Variants in AP5B1 observed in about 807,000 individuals in gnomAD.
The protein encoded by AP5B1 is adaptor related protein complex 5 subunit beta 1, also known as AP-5 complex subunit beta-1.
Under a neutral mutation model 5.7 loss-of-function variants are expected in AP5B1, and 3 were observed. The ratio of observed to expected loss-of-function variants is 0.53; its 90% CI spans 0.24 to 1.36. The LOEUF (loss-of-function observed/expected upper bound fraction) is 1.36, where lower values mean the gene tolerates loss of function less well. Among genes scored for constraint, AP5B1 ranks in the 40% most tolerant of loss-of-function variants. The pLI, the probability that AP5B1 is intolerant of heterozygous loss-of-function variation, is 0.17. For missense variants in AP5B1, 1,310 were observed against 1,143.2 expected (o/e 1.15, Z -2.10); for synonymous variants, 696 against 555.5 (o/e 1.25, Z -3.56).
At position 65,774,984 on chromosome 11, in the gene AP5B1, G is replaced by A. The variant is rs1857748183; in HGVS notation, c.*2872C>T. 1.3e-5 allele frequency among the ~76,000 whole-genome samples: 2 copies of A among 152,192 alleles called. No homozygotes were observed. The highest frequency in any genetic ancestry group is 2.4e-5 in the African/African-American group (1 of 41,432). On this transcript the variant is annotated 3_prime_UTR_variant, in exon 2 of 2. Transcript: ENST00000532090. The stretch of plus-strand genomic sequence containing the variant: ...GGGCTGGGGTCTAGGAGCTATCTCA[G>A]GTGGGCTCAGTCAGTGCCATCCTCC...
At chr11:65,780,406 C>A in intron 1 of AP5B1, 36 bp downstream of exon 1, 1 of 1,470,130 alleles carries the variant, frequency 6.8e-7, no homozygotes, top group Non-Finnish European at 9.0e-7. Flanking sequence ...CTGGGGTGAC[C>A]CTGCGGAACG....
In AP5B1 at chr11:65,779,580, G is replaced by A. The variant is rs1857817359; in HGVS notation, c.913C>T (p.Pro305Ser). 1 of 1,607,026 alleles carries A rather than the reference G, an allele frequency of 6.2e-7. No homozygotes were observed. Among genetic ancestry groups the A allele is most frequent in the Non-Finnish European group, 8.5e-7 (1 of 1,177,812 alleles). Residue 305 changes from proline (P) to serine (S), a missense_variant, in exon 2 of 2, where the codon CCG becomes TCG. By Grantham distance (74) the Pro-to-Ser change is moderately conservative. Transcript: ENST00000532090. ...ACCAGCTGCGGCTTGAAGAGTGCCG[G>A]TGGCTGTCCCTGCAGACCCCGCAGG... ...WALRGLQGQPPALFKPQLVRL... is the reference protein window; with the variant it reads ...WALRGLQGQPSALFKPQLVRL...
In AP5B1 at chr11:65,777,073, C is replaced by T. The variant is rs1366241685; in HGVS notation, c.*783G>A. On this transcript the variant is annotated 3_prime_UTR_variant, in exon 2 of 2. Transcript: ENST00000532090. Reference sequence around the variant, plus strand: ...AGTCTGCAATGATCCCTAATCACACCACTGCACTCCAGAGCGCCAGAGTGA... The same window carrying T: ...AGTCTGCAATGATCCCTAATCACACTACTGCACTCCAGAGCGCCAGAGTGA... The T allele has an allele frequency of 2.0e-5, 3 of 152,206 alleles. No homozygotes were observed. The highest frequency in any genetic ancestry group is 4.4e-5 in the Non-Finnish European group (3 of 68,088). The allele number at this position is 152,206 out of a possible 1,614,324, so 9.4% of individuals were successfully genotyped here.
rs759282141 is a variant in AP5B1 at position 65,778,037 on chromosome 11, A to G, written c.2456T>C (p.Val819Ala). 1 of 1,612,662 alleles carries G rather than the reference A, an allele frequency of 6.2e-7. No individual in the cohort carries two copies. Among genetic ancestry groups the G allele is most frequent in the Non-Finnish European group, 8.5e-7 (1 of 1,179,812 alleles). Reference protein sequence around the residue: ...GLVSRHLEPFVVVAQPPTSYC... With the variant: ...GLVSRHLEPFAVVAQPPTSYC... ...GCTGGTAGGAGGCTGGGCCACCACC[A>G]CAAAAGGCTCCAGGTGGCGGGACAC... Residue 819 changes from valine (V) to alanine (A), a missense_variant, in exon 2 of 2, where the codon GTG becomes GCG. By Grantham distance (64) the Val-to-Ala change is moderately conservative. Transcript: ENST00000532090.
rs1346016417 is a variant in AP5B1, at chr11:65,779,916, A to G, written c.577T>C (p.Leu193=). 5 of 1,591,116 alleles carry G rather than the reference A, an allele frequency of 3.1e-6. No homozygotes were observed. The change falls in exon 2 of 2, where the codon TTG becomes CTG. Residue 193 remains leucine (L), a synonymous_variant. Transcript: ENST00000532090. ...GACTGGAGCACCAAGGTGTTGCGCA[A>G]AGCGAGGGCCAGCAACAGGCTGAGT... ...QPLSLLLALA[L]RNTLVLQSRV... is the part of the protein sequence containing the mutation.
chr11:65,774,768 G>A lies in AP5B1; in HGVS notation c.*3088C>T, dbSNP rs1857746047. Among the ~76,000 whole-genome samples, 1 of 152,226 alleles carries A rather than the reference G, an allele frequency of 6.6e-6. No individual in the cohort carries two copies. The highest frequency in any genetic ancestry group is 1.5e-5 in the Non-Finnish European group (1 of 68,048). On this transcript the variant is annotated 3_prime_UTR_variant, in exon 2 of 2. Coordinates refer to ENST00000532090, the MANE Select transcript of AP5B1 (RefSeq NM_138368.5). Reference sequence around the variant, plus strand: ...GGCTTGTGGCCAGACCTGCCTTGAAGGAGGCAAGGAAGGGTATGTGAACAT... The same window carrying A: ...GGCTTGTGGCCAGACCTGCCTTGAAAGAGGCAAGGAAGGGTATGTGAACAT...
At chr11:65,780,399 G>T in intron 1 of AP5B1, 43 bp downstream of exon 1, 1 of 1,469,654 alleles carries the variant, frequency 6.8e-7, no homozygotes. Flanking sequence ...CGGCGGGCTG[G>T]GGTGACCCTG....
In AP5B1 at chr11:65,778,620, G is replaced by T; in HGVS notation, c.1873C>A (p.Pro625Thr). The part of the protein sequence containing the change: ...YYILLAHLAA[P>T]KLGVALGPSL... ...GGGCCCAGGGCCACCCCCAACTTGG[G>T]TGCTGCCAGGTGTGCCAGCAGGATG... is the stretch of plus-strand genomic sequence containing the variant. The change falls in exon 2 of 2, where the codon CCC (proline) becomes ACC (threonine). Residue 625 changes from proline (P) to threonine (T), a missense_variant. Pro to Thr is a conservative substitution (Grantham distance 38). Transcript: ENST00000532090. 6.3e-7 allele frequency: 1 copy of T among 1,594,644 alleles called. No homozygotes were observed. The highest frequency in any genetic ancestry group is 8.5e-7 in the Non-Finnish European group (1 of 1,172,420).
In AP5B1 at chr11:65,775,515, C is replaced by T. The variant is rs374214862; in HGVS notation, c.*2341G>A. On this transcript the variant is annotated 3_prime_UTR_variant, in exon 2 of 2. Coordinates refer to ENST00000532090, the MANE Select transcript of AP5B1 (RefSeq NM_138368.5). ...CCAGCCTTGGAGATGTTCAGTCCTT[C>T]TGCAGCAGCACCACGCTTCTGGCTT... Among the ~76,000 whole-genome samples the T allele has an allele frequency of 2.7e-4, 41 of 152,320 alleles. 2 individuals carry two copies. The highest frequency in any genetic ancestry group is 1.4e-3 in the East Asian group (7 of 5,180).
rs1857750938 is a variant in AP5B1 at position 65,775,290 on chromosome 11, G to A, written c.*2566C>T. On this transcript the variant is annotated 3_prime_UTR_variant, in exon 2 of 2. Transcript: ENST00000532090. ...GATGCACAAGTGGGCAGACAGATGG[G>A]TGAAAGGATGGTCAGTCCTTACATG... is the stretch of plus-strand genomic sequence containing the variant. 2.0e-5 allele frequency among the ~76,000 whole-genome samples: 3 copies of A among 152,208 alleles called. No individual in the cohort carries two copies. The highest frequency in any genetic ancestry group is 7.2e-5 in the African/African-American group (3 of 41,450).
In AP5B1 at chr11:65,778,438, C is replaced by G. The variant is rs748908235; in HGVS notation, c.2055G>C (p.Glu685Asp). 5 of 1,575,820 alleles carry G rather than the reference C, an allele frequency of 3.2e-6. No individual in the cohort carries two copies. The Admixed American group carries it at 7.4e-5, about 23-fold the overall frequency. The part of the protein sequence containing the change: ...GPLPVLKLQP[E>D]ALEPIYSLEL... The stretch of plus-strand genomic sequence containing the variant: ...CCAGAGAGTAGATGGGCTCCAGCGC[C>G]TCCGGCTGGAGCTTCAACACTGGGA... The change falls in exon 2 of 2, where the codon GAG becomes GAC. Residue 685 changes from glutamate (E) to aspartate (D), a missense_variant. By Grantham distance (45) the Glu-to-Asp change is conservative. Coordinates refer to ENST00000532090, the MANE Select transcript of AP5B1 (RefSeq NM_138368.5).
chr11:65,780,459 G>T lies in AP5B1; in HGVS notation c.133C>A (p.Leu45Met). ...GGGCCTACCTTGGTCTGTTCGCTCAGCTTCTCACTTCTCAGGTCGCTCAGC... is the reference window on the plus strand; with the variant it reads ...GGGCCTACCTTGGTCTGTTCGCTCATCTTCTCACTTCTCAGGTCGCTCAGC... ...DLLSDLRSEK[L>M]SEQTKVSLLA... Residue 45 changes from leucine (L) to methionine (M), a missense_variant, in exon 1 of 2, where the codon CTG (leucine) becomes ATG (methionine). Leu to Met is a conservative substitution (Grantham distance 15, BLOSUM62 2). Coordinates refer to ENST00000532090, the MANE Select transcript of AP5B1 (RefSeq NM_138368.5). 6.6e-7 allele frequency: 1 copy of T among 1,514,874 alleles called. No individual in the cohort carries two copies. Among genetic ancestry groups the T allele is most frequent in the South Asian group, 1.2e-5 (1 of 81,262 alleles). 93.8% of individuals were successfully genotyped at this position (1,514,874 alleles called of 1,614,324 possible).
At position 65,777,623 on chromosome 11, in the gene AP5B1, G is replaced by A. The variant is rs529032160; in HGVS notation, c.*233C>T. On this transcript the variant is annotated 3_prime_UTR_variant, in exon 2 of 2. Transcript: ENST00000532090. ...TGGACTTCCCAGCCTCCAGAGCTCTGAGCCAATACATTTCTGTTTATTATA... is the reference window on the plus strand; with the variant it reads ...TGGACTTCCCAGCCTCCAGAGCTCTAAGCCAATACATTTCTGTTTATTATA... 15 of 545,488 alleles carry A rather than the reference G, an allele frequency of 2.7e-5. No homozygotes were observed. In the East Asian group the frequency reaches 3.7e-4, roughly 14 times the overall value. The allele number at this position is 545,488 out of a possible 1,614,324, so 33.8% of individuals were successfully genotyped here.
At position 65,779,021 on chromosome 11, in the gene AP5B1, G is replaced by T; in HGVS notation, c.1472C>A (p.Ala491Asp). 1 of 1,608,690 alleles carries T rather than the reference G, an allele frequency of 6.2e-7. No individual in the cohort carries two copies. The highest frequency in any genetic ancestry group is 8.5e-7 in the Non-Finnish European group (1 of 1,177,650). ...CATGGGCCGGGCTTGGTACAGCTGG[G>T]CCAGTCCGTGGATCAAGGGGGTCAG... ...TVLTPLIHGL[A>D]QLYQARPMLA... Residue 491 changes from alanine (A) to aspartate (D), a missense_variant, in exon 2 of 2, where the codon GCC becomes GAC. Physicochemically the swap from Ala to Asp is moderately radical, Grantham distance 126. Coordinates refer to ENST00000532090, the MANE Select transcript of AP5B1 (RefSeq NM_138368.5).
Position 65,778,715 on chromosome 11 carries a change from A to C in AP5B1, c.1778T>G (p.Val593Gly), listed in dbSNP as rs752354752. The C allele has an allele frequency of 1.9e-6, 3 of 1,588,324 alleles. No individual in the cohort carries two copies. The Admixed American group carries it at 5.2e-5, about 28-fold the overall frequency. ...CCTGGCCAGCACCTGCAGCAAGTCG[A>C]CCAGGCCGCCCCTCACCCCTGCCCG... is the stretch of plus-strand genomic sequence containing the variant. ...LLRAGVRGGL[V>G]DLLQVLARQL... The change falls in exon 2 of 2, where the codon GTC becomes GGC. Residue 593 changes from valine to glycine, a missense_variant. Coordinates refer to ENST00000532090, the MANE Select transcript of AP5B1 (RefSeq NM_138368.5).
At position 65,779,835 on chromosome 11, in the gene AP5B1, C is replaced by A. The variant is rs750835553; in HGVS notation, c.658G>T (p.Gly220Cys). ...ACTAGTGTCCAATCCCAGGGACCAC[C>A]CCCAGTTGGGGAGACCTTATCCGTG... The part of the protein sequence containing the change: ...LLTDKVSPTG[G>C]GPWDWTLVEE... The change falls in exon 2 of 2, where the codon GGT (glycine) becomes TGT (cysteine). Residue 220 changes from glycine (G) to cysteine (C), a missense_variant. Gly to Cys is a radical substitution (Grantham distance 159). Transcript: ENST00000532090. 2 of 1,590,882 alleles carry A rather than the reference C, an allele frequency of 1.3e-6. No individual in the cohort carries two copies. Among genetic ancestry groups the A allele is most frequent in the Non-Finnish European group, 1.7e-6 (2 of 1,168,790 alleles).
At position 65,777,004 on chromosome 11, in the gene AP5B1, G is replaced by A. The variant is rs1045713991; in HGVS notation, c.*852C>T. 6 of 152,182 alleles carry A rather than the reference G, an allele frequency of 3.9e-5. No homozygotes were observed. Among genetic ancestry groups the A allele is most frequent in the Non-Finnish European group, 7.3e-5 (5 of 68,074 alleles). 9.4% of individuals were successfully genotyped at this position (152,182 alleles called of 1,614,324 possible). On this transcript the variant is annotated 3_prime_UTR_variant, in exon 2 of 2. Coordinates refer to ENST00000532090, the MANE Select transcript of AP5B1 (RefSeq NM_138368.5). ...CTCACACCTGTAGTCCCAGCTACTC[G>A]GAGGCAGGCTGAGATGGGAGGATCA...
chr11:65,777,713 A>G lies in AP5B1; in HGVS notation c.*143T>C. 1.0e-6 allele frequency: 1 copy of G among 963,872 alleles called. No individual in the cohort carries two copies. 59.7% of individuals were successfully genotyped at this position (963,872 alleles called of 1,614,324 possible). A position where few individuals can be genotyped will look rare whatever the true frequency, so the allele number is the denominator to read the frequency against. ...CAGACTCAGACAGACCCTCACCCCC[A>G]GGAGCCTGCTCCCAACCGGGGCCCA... On this transcript the variant is annotated 3_prime_UTR_variant, in exon 2 of 2. Transcript: ENST00000532090.
Position 65,777,532 on chromosome 11 carries a change from T to A in AP5B1, c.*324A>T. ...TGGGTTCGCTCTCTCCCCTCACTCC[T>A]GTCACTCTGTCCTCTGTCATGGGAA... On this transcript the variant is annotated 3_prime_UTR_variant, in exon 2 of 2. Coordinates refer to ENST00000532090, the MANE Select transcript of AP5B1 (RefSeq NM_138368.5). The A allele has an allele frequency of 3.4e-6, 1 of 297,758 alleles. No homozygotes were observed. The highest frequency in any genetic ancestry group is 6.3e-6 in the Non-Finnish European group (1 of 158,302). The allele number at this position is 297,758 out of a possible 1,614,324, so 18.4% of individuals were successfully genotyped here.
Sources: allele counts gnomAD v4.1 joint callset (sites outside exome capture counted in the v4.1 genomes callset), GRCh38; gene constraint gnomAD v4.1.1; transcripts MANE v1.5; gene names NCBI Gene and HGNC (gene_info 2026-07-23, HGNC 2026-07-21).